Variants in KCNIP4 observed in about 807,000 individuals in gnomAD.
KCNIP4 encodes Kv channel-interacting protein 4.
KCNIP4 carries 12 observed loss-of-function variants against 34.0 expected under a neutral mutation model. The observed-to-expected ratio is 0.35, with a 90% CI of 0.23 to 0.57. The LOEUF is 0.57. Ranked by LOEUF, KCNIP4 falls within the 20% of genes least tolerant of loss-of-function variation. The pLI is 0.83. For missense variants in KCNIP4, 238 were observed against 311.7 expected, an observed-to-expected ratio of 0.76 and a Z score of 1.78; for synonymous variants, 124 against 102.2, an observed-to-expected ratio of 1.21 and a Z score of -1.29.
At chr4:21,588,571 T>C (rs1301143781) in intron 1 of KCNIP4, among the ~76,000 whole-genome samples, 1 of 151,962 alleles carries the variant, frequency 6.6e-6, no homozygotes, top group Non-Finnish European at 1.5e-5. Flanking sequence ...TTCAGATACA[T>C]ATGCAGGATA....
chr4:20,733,011 C>G (rs2149267648), intron 6 of KCNIP4, among the ~76,000 whole-genome samples: 1 of 152,212 alleles, frequency 6.6e-6, no homozygotes, highest in East Asian at 1.9e-4. Flanking sequence ...CTCTTGGTTT[C>G]AAAAGGAAGC....
chr4:21,283,116 G>A (rs972746688), intron 1 of KCNIP4, among the ~76,000 whole-genome samples: 24 of 152,246 alleles, frequency 1.6e-4, no homozygotes, highest in East Asian at 7.7e-4. Context: ...ATATTTGTAC[G>A]AAGTATCCAG....
chr4:21,684,887 T>C (rs1456947763), intron 1 of KCNIP4, among the ~76,000 whole-genome samples: 1 of 152,048 alleles, frequency 6.6e-6, no homozygotes, highest in African/African-American at 2.4e-5. Context: ...TTCTCACTCA[T>C]AGGTGGGAAT....
intron 1 of KCNIP4, among the ~76,000 whole-genome samples, chr4:21,331,759 TA>T (rs1715656343): frequency 1.3e-5 from 2 of 152,096 alleles, no homozygotes; most frequent in East Asian, 3.9e-4. Context: ...TCAACTTAAA[TA>T]CTAGGTTTTC....
At chr4:21,726,264 A>C (rs1372973819) in intron 1 of KCNIP4, among the ~76,000 whole-genome samples, 1 of 152,144 alleles carries the variant, frequency 6.6e-6, no homozygotes, top group Non-Finnish European at 1.5e-5. Context: ...CTTCTGGGGC[A>C]AGCAATGAAG....
intron 1 of KCNIP4, among the ~76,000 whole-genome samples, chr4:21,599,376 T>C (rs1182446820): frequency 6.6e-6 from 1 of 152,044 alleles, no homozygotes; most frequent in South Asian, 2.1e-4. Flanking sequence ...TTTATAGTAC[T>C]ATAATTTCAG....
chr4:20,999,038 G>A (rs888136499), intron 1 of KCNIP4, among the ~76,000 whole-genome samples: 15 of 152,156 alleles, frequency 9.9e-5, no homozygotes, highest in African/African-American at 1.7e-4. Context: ...GAGAGCAAAG[G>A]TGGTTTCATC....
At chr4:21,397,553 A>T (rs1020712895) in intron 1 of KCNIP4, among the ~76,000 whole-genome samples, 1 of 152,234 alleles carries the variant, frequency 6.6e-6, no homozygotes, top group Non-Finnish European at 1.5e-5. Flanking sequence ...AAAATTTTTT[A>T]AAAAGCATAC....
intron 1 of KCNIP4, among the ~76,000 whole-genome samples, chr4:21,637,690 G>C (rs1746305112): frequency 6.6e-6 from 1 of 150,654 alleles, no homozygotes. Flanking sequence ...GGCTGAAGCA[G>C]GAGAATCGCT....
chr4:20,766,059 CTGA>C (rs1411681061), intron 3 of KCNIP4, among the ~76,000 whole-genome samples: 2 of 152,068 alleles, frequency 1.3e-5, no homozygotes, highest in African/African-American at 2.4e-5. Flanking sequence ...AATGATGATA[CTGA>C]TGATATTAAG....
intron 1 of KCNIP4, among the ~76,000 whole-genome samples, chr4:21,370,850 T>TACAC (rs376590317): frequency 0.016 from 230 of 14,818 alleles, 6 homozygotes; most frequent in African/African-American, 0.028. Context: ...TATATATATA[T>TACAC]ACACACACAC....
chr4:21,452,045 C>G (rs1369799967), intron 1 of KCNIP4, among the ~76,000 whole-genome samples: 1 of 152,058 alleles, frequency 6.6e-6, no homozygotes, highest in Non-Finnish European at 1.5e-5. Flanking sequence ...TCTTCCCCCC[C>G]AACTCCGCCT....
At chr4:20,967,379 A>C (rs1045947497) in intron 1 of KCNIP4, among the ~76,000 whole-genome samples, 2 of 152,120 alleles carry the variant, frequency 1.3e-5, no homozygotes, top group Admixed American at 6.5e-5. Context: ...GATTCAATGC[A>C]ATCCCCATCA....
At chr4:21,419,775 G>A (rs1560387260) in intron 1 of KCNIP4, among the ~76,000 whole-genome samples, 1 of 152,198 alleles carries the variant, frequency 6.6e-6, no homozygotes, top group East Asian at 1.9e-4. Flanking sequence ...ACAATCCAAG[G>A]AGAGAAGGAA....
chr4:21,328,073 G>A (rs764350129), intron 1 of KCNIP4, among the ~76,000 whole-genome samples: 3 of 151,874 alleles, frequency 2.0e-5, no homozygotes, highest in Admixed American at 6.6e-5. Flanking sequence ...TATTTAGTTC[G>A]TTTAGTGAAG....
intron 1 of KCNIP4, among the ~76,000 whole-genome samples, chr4:20,883,624 G>A (rs1021054858): frequency 1.3e-5 from 2 of 151,958 alleles, no homozygotes; most frequent in Admixed American, 6.6e-5. Flanking sequence ...AAGCATCAGC[G>A]CAGAAAACAA....
At chr4:21,495,341 G>A (rs1732766958) in intron 1 of KCNIP4, among the ~76,000 whole-genome samples, 5 of 152,190 alleles carry the variant, frequency 3.3e-5, no homozygotes, top group African/African-American at 1.2e-4. Flanking sequence ...ACAGCTAGCA[G>A]ATTCCTGGAC....
intron 2 of KCNIP4, among the ~76,000 whole-genome samples, chr4:20,853,195 C>T (rs1204620378): frequency 6.6e-6 from 1 of 152,028 alleles, no homozygotes; most frequent in Admixed American, 6.6e-5. Context: ...CAAGACTAAG[C>T]AAAAAGAACA....
At chr4:20,946,808 C>T (rs1234676798) in intron 1 of KCNIP4, among the ~76,000 whole-genome samples, 1 of 152,072 alleles carries the variant, frequency 6.6e-6, no homozygotes, top group Non-Finnish European at 1.5e-5. Flanking sequence ...AAAATGCAGG[C>T]CCCTAATGAA....
Sources: gnomAD v4.1 joint callset for allele counts (sites outside exome capture counted in the v4.1 genomes callset) on GRCh38, gnomAD v4.1.1 for gene constraint, MANE v1.5 for transcripts, NCBI Gene and HGNC (gene_info 2026-07-23, HGNC 2026-07-21) for gene names.